Variants in PGGT1B observed in about 807,000 individuals in gnomAD.
PGGT1B encodes protein geranylgeranyltransferase type I subunit beta.
A neutral mutation model predicts 46.1 loss-of-function variants in PGGT1B; 30 were observed. The ratio of observed to expected loss-of-function variants is 0.65; its 90% CI spans 0.49 to 0.88. The LOEUF (loss-of-function observed/expected upper bound fraction) is 0.88. PGGT1B is among the 40% of genes least tolerant of loss of function. The pLI is 0.00. For synonymous variants in PGGT1B, 170 were observed against 160.0 expected, an observed-to-expected ratio of 1.06 and a Z score of -0.47; for missense variants, 376 against 455.9, an observed-to-expected ratio of 0.82 and a Z score of 1.60.
chr5:115,259,766 G>A (rs1479827428), intron 1 of PGGT1B, among the ~76,000 whole-genome samples: 2 of 151,772 alleles, frequency 1.3e-5, no homozygotes, highest in Middle Eastern at 3.4e-3. Context: ...CAGGAGAGAG[G>A]TTACAACACA....
At chr5:115,217,277 T>TC (rs1415381132) in intron 7 of PGGT1B, among the ~76,000 whole-genome samples, 30 of 152,144 alleles carry the variant, frequency 2.0e-4, no homozygotes, top group Non-Finnish European at 4.0e-4. Context: ...ATCAGTCATT[T>TC]TAAAAAGTAC....
rs551857970 is a variant in PGGT1B, at chr5:115,204,872, A to G, written c.*7530T>C. ...ATATCCAGTCATAAAAGTGAAAAGC[A>G]TCTTCTGATTATTTCCACAAGTTAA... On this transcript the variant is annotated 3_prime_UTR_variant, in exon 9 of 9. Transcript: ENST00000419445. 6.6e-6 allele frequency: 1 copy of G among 152,350 alleles called. No individual in the cohort carries two copies. The highest frequency in any genetic ancestry group is 1.9e-4 in the East Asian group (1 of 5,190). 9.4% of individuals were successfully genotyped at this position (152,350 alleles called of 1,614,324 possible).
At chr5:115,248,212 G>T (rs535541277) in intron 2 of PGGT1B, among the ~76,000 whole-genome samples, 20 of 152,064 alleles carry the variant, frequency 1.3e-4, no homozygotes, top group African/African-American at 4.6e-4. Context: ...CTATAAGACA[G>T]TCTCTGAGTT....
chr5:115,246,315 C>T (rs1246049228), intron 2 of PGGT1B, among the ~76,000 whole-genome samples: 1 of 150,186 alleles, frequency 6.7e-6, no homozygotes, highest in Non-Finnish European at 1.5e-5. Context: ...AAGATTGCGC[C>T]ACTGCACTCC....
chr5:115,225,416 A>G (rs1056743891), intron 6 of PGGT1B, among the ~76,000 whole-genome samples: 2 of 152,166 alleles, frequency 1.3e-5, no homozygotes, highest in Non-Finnish European at 2.9e-5. Flanking sequence ...GTTATGATCT[A>G]CTTATATTTT....
intron 8 of PGGT1B, among the ~76,000 whole-genome samples, chr5:115,213,902 T>C (rs570812163): frequency 6.6e-6 from 1 of 152,336 alleles, no homozygotes; most frequent in South Asian, 2.1e-4. Flanking sequence ...CTGTGCTTAC[T>C]CAATGCCATT....
chr5:115,234,670 T>G (rs1179261035), intron 5 of PGGT1B, among the ~76,000 whole-genome samples: 1 of 151,980 alleles, frequency 6.6e-6, no homozygotes, highest in African/African-American at 2.4e-5. Flanking sequence ...TTTGACTATA[T>G]GCCCTCAGAC....
At chr5:115,253,887 T>G (rs1748204561) in intron 1 of PGGT1B, among the ~76,000 whole-genome samples, 1 of 152,008 alleles carries the variant, frequency 6.6e-6, no homozygotes, top group African/African-American at 2.4e-5. Flanking sequence ...ATCAGAAATC[T>G]AAACCTGTGC....
At position 115,220,725 on chromosome 5, in the gene PGGT1B, AATG is replaced by A. The variant is rs546022491; in HGVS notation, c.843+1096_843+1098del. 4.3e-4 allele frequency among the ~76,000 whole-genome samples: 65 copies of A among 152,114 alleles called. No homozygotes were observed. In the East Asian group the frequency reaches 8.7e-3, roughly 20 times the overall value. Reference sequence around the variant, plus strand: ...TACAACAGGAAATCACTGGATATTTAATGATAATAAGAAATTATGGCTAATTGT... The same window carrying A: ...TACAACAGGAAATCACTGGATATTTAATAATAAGAAATTATGGCTAATTGT... On this transcript the variant is annotated intron_variant, in intron 7 of 8. Coordinates refer to ENST00000419445, the MANE Select transcript of PGGT1B (RefSeq NM_005023.4).
intron 8 of PGGT1B, among the ~76,000 whole-genome samples, chr5:115,215,939 A>G (rs904308892): frequency 2.0e-5 from 3 of 152,190 alleles, no homozygotes; most frequent in Non-Finnish European, 2.9e-5. Flanking sequence ...GAAGCTGTAT[A>G]TAGACTCATT....
At chr5:115,250,602 T>C (rs1360094850) in intron 2 of PGGT1B, among the ~76,000 whole-genome samples, 1 of 152,204 alleles carries the variant, frequency 6.6e-6, no homozygotes, top group Non-Finnish European at 1.5e-5. Context: ...AAAATTCTGA[T>C]GGTTCTCAAA....
chr5:115,220,490 T>C (rs1268868854), intron 7 of PGGT1B, among the ~76,000 whole-genome samples: 1 of 151,876 alleles, frequency 6.6e-6, no homozygotes, highest in Non-Finnish European at 1.5e-5. Context: ...ACAGGATTTA[T>C]GTTGGGTATA....
chr5:115,246,076 G>C (rs910646745), intron 2 of PGGT1B, among the ~76,000 whole-genome samples: 4 of 152,092 alleles, frequency 2.6e-5, no homozygotes, highest in African/African-American at 9.7e-5. Flanking sequence ...CTTAGGCCGG[G>C]CGCGGTGGCT....
intron 5 of PGGT1B, among the ~76,000 whole-genome samples, chr5:115,233,221 T>C (rs1013488280): frequency 1.3e-5 from 2 of 151,532 alleles, no homozygotes; most frequent in Non-Finnish European, 1.5e-5. Flanking sequence ...CTCAAATACA[T>C]ACCCTCAAAC....
chr5:115,242,986 T>A (rs921809981), intron 2 of PGGT1B, among the ~76,000 whole-genome samples: 1 of 151,830 alleles, frequency 6.6e-6, no homozygotes, highest in Non-Finnish European at 1.5e-5. Flanking sequence ...AAGATACTAA[T>A]GGTGATTATG....
chr5:115,248,448 C>G (rs1439433634), intron 2 of PGGT1B, among the ~76,000 whole-genome samples: 1 of 152,178 alleles, frequency 6.6e-6, no homozygotes, highest in Non-Finnish European at 1.5e-5. Context: ...TCACTCTGTT[C>G]TAAGTCTAAA....
intron 6 of PGGT1B, among the ~76,000 whole-genome samples, chr5:115,224,356 G>A (rs935187835): frequency 2.0e-5 from 3 of 152,158 alleles, no homozygotes; most frequent in African/African-American, 7.2e-5. Context: ...ATTACTTAAT[G>A]CAAACTGGCA....
intron 1 of PGGT1B, among the ~76,000 whole-genome samples, chr5:115,261,015 C>T (rs1202273546): frequency 6.6e-6 from 1 of 152,166 alleles, no homozygotes; most frequent in East Asian, 1.9e-4. Flanking sequence ...ATTTAATCAG[C>T]TCACAGGACT....
Position 115,206,776 on chromosome 5 carries a change from A to T in PGGT1B, c.*5626T>A, listed in dbSNP as rs1008252710. On this transcript the variant is annotated 3_prime_UTR_variant, in exon 9 of 9. Transcript: ENST00000419445. The stretch of plus-strand genomic sequence containing the variant: ...TATAGATAGAGAGTATCTGGGCCAA[A>T]AAGTGTGCACACTTTAAAAAATTCT... 34 of 152,128 alleles carry T rather than the reference A, an allele frequency of 2.2e-4. No individual in the cohort carries two copies. The highest frequency in any genetic ancestry group is 7.5e-4 in the African/African-American group (31 of 41,536). 9.4% of individuals were successfully genotyped at this position (152,128 alleles called of 1,614,324 possible).
Sources: allele counts gnomAD v4.1 joint callset (sites outside exome capture counted in the v4.1 genomes callset), GRCh38; gene constraint gnomAD v4.1.1; transcripts MANE v1.5; gene names NCBI Gene and HGNC (gene_info 2026-07-23, HGNC 2026-07-21).